The following KRT4 variants were observed in gnomAD, a reference collection of about 807,000 sequenced individuals.
KRT4 encodes the protein keratin 4.
KRT4 carries 47 observed loss-of-function variants against 50.6 expected under a neutral mutation model. The observed-to-expected ratio is 0.93, with a 90% CI of 0.73 to 1.18. KRT4 has a LOEUF of 1.18. KRT4 is among the 50% of genes most tolerant of loss of function. The pLI is 0.00. For missense variants in KRT4, 651 were observed against 645.7 expected (o/e 1.01, Z -0.09); for synonymous variants, 254 against 251.2 (o/e 1.01, Z -0.10).
intron 3 of KRT4, 47 bp downstream of exon 3, chr12:52,810,709 G>T: frequency 6.5e-7 from 1 of 1,528,208 alleles, no homozygotes; most frequent in Non-Finnish European, 9.1e-7. Context: ...CACTCCCCAA[G>T]GGAAGGGGCA....
chr12:52,807,104 T>C lies in KRT4; in HGVS notation c.1528A>G (p.Ile510Val), dbSNP rs760067198. 1 of 1,614,066 alleles carries C rather than the reference T, an allele frequency of 6.2e-7. No individual in the cohort carries two copies. Among genetic ancestry groups the C allele is most frequent in the Non-Finnish European group, 8.5e-7 (1 of 1,180,008 alleles). ...GSVSGSSSSKIISTTTLNKRR is the reference protein window; with the variant it reads ...GSVSGSSSSKVISTTTLNKRR ...TTGTTCAGGGTGGTGGTAGAGATGA[T>C]CTTGCTGCTGGAACTGCCAGAGACA... is the stretch of plus-strand genomic sequence containing the variant. The change falls in exon 9 of 9, where the codon ATC becomes GTC. Residue 510 changes from isoleucine (I) to valine (V), a missense_variant. Transcript: ENST00000551956.
chr12:52,811,773 A>T lies in KRT4; in HGVS notation c.667T>A (p.Phe223Ile). 1 of 1,613,112 alleles carries T rather than the reference A, an allele frequency of 6.2e-7. No individual in the cohort carries two copies. The highest frequency in any genetic ancestry group is 8.5e-7 in the Non-Finnish European group (1 of 1,179,754). ...LKTMQDSVED[F>I]KTKYEEEINK... Reference sequence around the variant, plus strand: ...TTCCTCCCCATGTACTTAGTCTTGAAGTCCTCCACGCTGTCCTGCATGGTC... The same window carrying T: ...TTCCTCCCCATGTACTTAGTCTTGATGTCCTCCACGCTGTCCTGCATGGTC... The change falls in exon 2 of 9, where the codon TTC becomes ATC. Residue 223 changes from phenylalanine (F) to isoleucine (I), a missense_variant. Coordinates refer to ENST00000551956, the MANE Select transcript of KRT4 (RefSeq NM_002272.4).
At chr12:52,807,419 G>A in intron 7 of KRT4, 26 bp from the exon 8 acceptor site, 1 of 1,614,006 alleles carries the variant, frequency 6.2e-7, no homozygotes. Flanking sequence ...AAGGCGGTGA[G>A]CCTCAGGGAG....
rs777722293 is a variant in KRT4 at position 52,810,826 on chromosome 12, G to A, written c.678-10C>T. 2 of 1,612,606 alleles carry A rather than the reference G, an allele frequency of 1.2e-6. No homozygotes were observed. Among genetic ancestry groups the A allele is most frequent in the East Asian group, 4.5e-5 (2 of 44,864 alleles). On this transcript the variant is annotated splice_polypyrimidine_tract_variant and intron_variant, in intron 2 of 8. Transcript: ENST00000551956. ...GATCTCCTCTTCATACCTGGGGGTGGGCACGGGGAGAAAAAGACAAAAACC... is the reference window on the plus strand; with the variant it reads ...GATCTCCTCTTCATACCTGGGGGTGAGCACGGGGAGAAAAAGACAAAAACC...
Position 52,806,967 on chromosome 12 carries a change from G to A in KRT4, c.*102C>T, listed in dbSNP as rs1939806965. 1 of 1,135,894 alleles carries A rather than the reference G, an allele frequency of 8.8e-7. No homozygotes were observed. Among genetic ancestry groups the A allele is most frequent in the Admixed American group, 1.9e-5 (1 of 53,894 alleles). 70.4% of individuals were successfully genotyped at this position (1,135,894 alleles called of 1,614,324 possible). On this transcript the variant is annotated 3_prime_UTR_variant, in exon 9 of 9. Coordinates refer to ENST00000551956, the MANE Select transcript of KRT4 (RefSeq NM_002272.4). Reference sequence around the variant, plus strand: ...GGGATAGTGGAGGGGATACTAGTAAGATGAGCCCCAGAGACAGAGGATGGA... The same window carrying A: ...GGGATAGTGGAGGGGATACTAGTAAAATGAGCCCCAGAGACAGAGGATGGA...
rs1939812184 is a variant in KRT4, at chr12:52,807,179, T to A, written c.1453A>T (p.Ser485Cys). The part of the protein sequence containing the change: ...GLGSGSGFGL[S>C]SGFGSGSGSG... ...CCAGAGCCGGAGCCAAAGCCACTAC[T>A]CAGGCCAAACCCGGAGCCACTTCCT... is the stretch of plus-strand genomic sequence containing the variant. The change falls in exon 9 of 9, where the codon AGT becomes TGT. Residue 485 changes from serine (S) to cysteine (C), a missense_variant. By Grantham distance (112) the Ser-to-Cys change is moderately radical (BLOSUM62 -1). Transcript: ENST00000551956. The A allele has an allele frequency of 6.2e-7, 1 of 1,614,134 alleles. No individual in the cohort carries two copies. The highest frequency in any genetic ancestry group is 1.7e-5 in the Admixed American group (1 of 60,024).
chr12:52,808,950 A>C, intron 4 of KRT4, 100 bp from the exon 5 acceptor site: 4 of 1,284,606 alleles, frequency 3.1e-6, no homozygotes, highest in Non-Finnish European at 4.5e-6. Flanking sequence ...ATGTGTAGGA[A>C]GGGGAGAGAC....
rs1027745102 is a variant in KRT4 at position 52,814,032 on chromosome 12, T to C, written c.27A>G (p.Arg9=). The change falls in exon 1 of 9, where the codon CGA becomes CGG. Residue 9 remains arginine, a synonymous_variant. Transcript: ENST00000551956. ...CACAGCTGAAGCCCCGGGGCCCGCC[T>C]CGGACACACTGCTGTCTGGCAATCA... is the stretch of plus-strand genomic sequence containing the variant. MIARQQCV[R]GGPRGFSCGS... is the part of the protein sequence containing the mutation. 19 of 1,613,734 alleles carry C rather than the reference T, an allele frequency of 1.2e-5. No individual in the cohort carries two copies. The highest frequency in any genetic ancestry group is 1.7e-5 in the Admixed American group (1 of 59,994).
chr12:52,812,033 C>T, intron 1 of KRT4, 56 bp from the exon 2 acceptor site: 1 of 1,421,144 alleles, frequency 7.0e-7, no homozygotes, highest in South Asian at 1.2e-5. Flanking sequence ...GGCAGGAGGG[C>T]CAGCCAAGGC....
rs760017217 is a variant in KRT4, at chr12:52,814,036, A to G, written c.23T>C (p.Val8Ala). The change falls in exon 1 of 9, where the codon GTC (valine) becomes GCC (alanine). Residue 8 changes from valine (V) to alanine (A), a missense_variant. Coordinates refer to ENST00000551956, the MANE Select transcript of KRT4 (RefSeq NM_002272.4). MIARQQC[V>A]RGGPRGFSCG... ...GCTGAAGCCCCGGGGCCCGCCTCGG[A>G]CACACTGCTGTCTGGCAATCATGGC... 6.2e-7 allele frequency: 1 copy of G among 1,613,880 alleles called. No individual in the cohort carries two copies. Among genetic ancestry groups the G allele is most frequent in the South Asian group, 1.1e-5 (1 of 91,076 alleles).
Position 52,810,808 on chromosome 12 carries a change from T to C in KRT4, c.686A>G (p.Glu229Gly), listed in dbSNP as rs1939896808. The change falls in exon 3 of 9, where the codon GAG (glutamate) becomes GGG (glycine). Residue 229 changes from glutamate (E) to glycine (G), a missense_variant. Transcript: ENST00000551956. ...GGCTGCTGTGCGTTTGTTGATCTCC[T>C]CTTCATACCTGGGGGTGGGCACGGG... is the stretch of plus-strand genomic sequence containing the variant. ...SVEDFKTKYEEEINKRTAAEN... is the reference protein window; with the variant it reads ...SVEDFKTKYEGEINKRTAAEN... 6.2e-7 allele frequency: 1 copy of C among 1,613,788 alleles called. No homozygotes were observed. Among genetic ancestry groups the C allele is most frequent in the African/African-American group, 1.3e-5 (1 of 74,926 alleles).
chr12:52,810,542 C>T (rs181652020), intron 3 of KRT4, among the ~76,000 whole-genome samples: 23 of 151,540 alleles, frequency 1.5e-4, no homozygotes, highest in African/African-American at 5.6e-4. Flanking sequence ...AGTGAAGCTC[C>T]ATCTCAAAAA....
At position 52,809,436 on chromosome 12, in the gene KRT4, T is replaced by G. The variant is rs1237437494; in HGVS notation, c.781A>C (p.Lys261Gln). The change falls in exon 4 of 9, where the codon AAG (lysine) becomes CAG (glutamine). Residue 261 changes from lysine to glutamine, a missense_variant. Transcript: ENST00000551956. ...ATCTCGTCATTAAGACTGTCCACCT[T>G]GGCCTCCAACTCCACCTTGTTCAGG... ...AYLNKVELEA[K>Q]VDSLNDEINF... The G allele has an allele frequency of 2.5e-6, 4 of 1,614,158 alleles. No individual in the cohort carries two copies. The highest frequency in any genetic ancestry group is 1.1e-5 in the South Asian group (1 of 91,078).
At chr12:52,808,937 A>G (rs1046047828) in intron 4 of KRT4, 87 bp from the exon 5 acceptor site, 6 of 1,418,140 alleles carry the variant, frequency 4.2e-6, no homozygotes, top group South Asian at 3.5e-5. Context: ...GCTGGCATTC[A>G]CAATGTGTAG....
In KRT4 at chr12:52,806,897, C is replaced by T; in HGVS notation, c.*172G>A. ...GCTACCAAACTCCAAGAGGCAGAGT[C>T]CCTGTCCCAGCACAGAAGATCATCC... On this transcript the variant is annotated 3_prime_UTR_variant, in exon 9 of 9. Coordinates refer to ENST00000551956, the MANE Select transcript of KRT4 (RefSeq NM_002272.4). 1 of 749,570 alleles carries T rather than the reference C, an allele frequency of 1.3e-6. No homozygotes were observed. Among genetic ancestry groups the T allele is most frequent in the Non-Finnish European group, 2.3e-6 (1 of 436,980 alleles). 46.4% of individuals were successfully genotyped at this position (749,570 alleles called of 1,614,324 possible). A position where few individuals can be genotyped will look rare whatever the true frequency, so the allele number is the denominator to read the frequency against.
In KRT4 at chr12:52,807,314, G is replaced by C. The variant is rs375562071; in HGVS notation, c.1381+45C>G. On this transcript the variant is annotated intron_variant, in intron 8 of 8. Coordinates refer to ENST00000551956, the MANE Select transcript of KRT4 (RefSeq NM_002272.4). Reference sequence around the variant, plus strand: ...TGCCAGCACCCCAGGGGTCTGGCAAGACCCGGGTGAATGAACAACTACAGC... The same window carrying C: ...TGCCAGCACCCCAGGGGTCTGGCAACACCCGGGTGAATGAACAACTACAGC... The C allele has an allele frequency of 9.9e-6, 16 of 1,614,036 alleles. No homozygotes were observed. The African/African-American group carries it at 2.0e-4, about 20-fold the overall frequency.
At position 52,807,902 on chromosome 12, in the gene KRT4, C is replaced by T. The variant is rs571707036; in HGVS notation, c.1126-38G>A. 6 of 1,585,780 alleles carry T rather than the reference C, an allele frequency of 3.8e-6. No individual in the cohort carries two copies. In the African/African-American group the frequency reaches 6.7e-5, roughly 18 times the overall value. On this transcript the variant is annotated intron_variant, in intron 6 of 8. Coordinates refer to ENST00000551956, the MANE Select transcript of KRT4 (RefSeq NM_002272.4). ...GCATTAGATAGGTGGTCAGCAGTGCCCTGCCTTCAAGGCCTCTACACCTGT... is the reference window on the plus strand; with the variant it reads ...GCATTAGATAGGTGGTCAGCAGTGCTCTGCCTTCAAGGCCTCTACACCTGT...
At chr12:52,811,055 G>A (rs375353367) in intron 2 of KRT4, 21 of 516,296 alleles carry the variant, frequency 4.1e-5, no homozygotes, top group East Asian at 3.4e-4. Context: ...GACTGTTTTC[G>A]ATAGAAAACC....
At chr12:52,811,638 A>G in intron 2 of KRT4, 125 bp downstream of exon 2, 1 of 775,378 alleles carries the variant, frequency 1.3e-6, no homozygotes, top group South Asian at 1.5e-5. Flanking sequence ...GTAGCAAAAC[A>G]GACTAGAGGG....
Sources: allele counts gnomAD v4.1 joint callset (sites outside exome capture counted in the v4.1 genomes callset), GRCh38; gene constraint gnomAD v4.1.1; transcripts MANE v1.5; gene names NCBI Gene and HGNC (gene_info 2026-07-23, HGNC 2026-07-21).